Variants in ADA observed in about 807,000 individuals in gnomAD.
ADA encodes the protein adenosine aminohydrolase.
In ADA, 45 loss-of-function variants were observed where a neutral mutation model predicts 49.0. The observed-to-expected ratio is 0.92, with a 90% CI of 0.72 to 1.18. The LOEUF is 1.18. Among genes scored for constraint, ADA ranks in the 50% most tolerant of loss-of-function variants. The pLI is 0.00. For synonymous variants in ADA, 173 were observed against 184.2 expected (o/e 0.94, Z 0.49); for missense variants, 445 against 472.5 (o/e 0.94, Z 0.54).
chr20:44,642,689 C>T (rs563709372), intron 1 of ADA, among the ~76,000 whole-genome samples: 1 of 152,322 alleles, frequency 6.6e-6, no homozygotes, highest in African/African-American at 2.4e-5. Flanking sequence ...TTAAAAAAAC[C>T]TTTCCCGGCT....
chr20:44,625,717 G>A, intron 4 of ADA, 33 bp from the exon 5 acceptor site: 1 of 1,528,706 alleles, frequency 6.5e-7, no homozygotes, highest in Non-Finnish European at 8.9e-7. Context: ...ATGGGCCTGA[G>A]GCAAAAGGAA....
intron 9 of ADA, among the ~76,000 whole-genome samples, chr20:44,622,146 A>G (rs1187627150): frequency 6.6e-6 from 1 of 152,242 alleles, no homozygotes; most frequent in East Asian, 1.9e-4. Flanking sequence ...GGAGCCAGGC[A>G]GGGTGGAACA....
At position 44,622,691 on chromosome 20, in the gene ADA, G is replaced by A. The variant is rs767679026; in HGVS notation, c.781-39C>T. ...TGTGTGGCTGGCAGGGATGGCCCCA[G>A]GCCATGCTGATTCCTCCCCCCATGT... On this transcript the variant is annotated intron_variant, in intron 8 of 11. Transcript: ENST00000372874. The A allele has an allele frequency of 2.5e-6, 4 of 1,613,802 alleles. No homozygotes were observed. In the African/African-American group the frequency reaches 4.0e-5, roughly 16 times the overall value.
chr20:44,650,855 G>C (rs754603937), intron 1 of ADA, among the ~76,000 whole-genome samples: 1 of 152,044 alleles, frequency 6.6e-6, no homozygotes, highest in African/African-American at 2.4e-5. Context: ...CCCTCCTCTC[G>C]GACTCTGCGA....
At chr20:44,623,935 A>G in intron 6 of ADA, 1 of 481,436 alleles carries the variant, frequency 2.1e-6, no homozygotes, top group South Asian at 1.6e-5. Context: ...ATTTGCAGAG[A>G]TGGATCTCAC....
At chr20:44,622,771 C>T in intron 8 of ADA, 58 bp downstream of exon 8, 1 of 1,614,104 alleles carries the variant, frequency 6.2e-7, no homozygotes, top group Non-Finnish European at 8.5e-7. Flanking sequence ...TTCTGCCTCT[C>T]TATACAGGAA....
chr20:44,646,691 C>G (rs925971743), intron 1 of ADA, among the ~76,000 whole-genome samples: 4 of 152,040 alleles, frequency 2.6e-5, no homozygotes, highest in African/African-American at 9.7e-5. Flanking sequence ...CTGAGGTACC[C>G]TAGCTGCTAA....
intron 2 of ADA, among the ~76,000 whole-genome samples, chr20:44,632,995 G>T (rs567427762): frequency 6.6e-6 from 1 of 152,286 alleles, no homozygotes; most frequent in African/African-American, 2.4e-5. Context: ...TGCACGCTCT[G>T]TTCTTAGATG....
chr20:44,651,153 G>A (rs1325095114), intron 1 of ADA, among the ~76,000 whole-genome samples: 4 of 152,180 alleles, frequency 2.6e-5, no homozygotes, highest in Non-Finnish European at 5.9e-5. Flanking sequence ...TAACGCTGGC[G>A]TACAAAGCTG....
intron 5 of ADA, 112 bp downstream of exon 5, chr20:44,625,457 C>T (rs1344587658): frequency 1.0e-5 from 10 of 974,172 alleles, no homozygotes. Flanking sequence ...CTCAAGGGGA[C>T]ACCATGGGGC....
At chr20:44,634,145 C>G (rs974725892) in intron 2 of ADA, among the ~76,000 whole-genome samples, 9 of 152,346 alleles carry the variant, frequency 5.9e-5, no homozygotes, top group African/African-American at 1.9e-4. Context: ...CTGGCTGCAG[C>G]TGATGAGCCC....
Position 44,624,300 on chromosome 20 carries a change from T to C in ADA, c.508A>G (p.Lys170Glu), listed in dbSNP as rs371134570. 48 of 1,613,730 alleles carry C rather than the reference T, an allele frequency of 3.0e-5. 1 individual carries two copies. In the Middle Eastern group the frequency reaches 1.3e-3, roughly 45 times the overall value. The change falls in exon 6 of 12, where the codon AAG becomes GAG. Residue 170 changes from lysine to glutamate, a missense_variant. By Grantham distance (56) the Lys-to-Glu change is moderately conservative (BLOSUM62 1). Coordinates refer to ENST00000372874, the MANE Select transcript of ADA (RefSeq NM_000022.4). The part of the protein sequence containing the change: ...NWSPKVVELC[K>E]KYQQQTVVAI... ...ACCACGGTCTGCTGCTGGTACTTCT[T>C]ACACAGCTCCACCACCTTGGGGGAC...
chr20:44,619,673 G>A lies in ADA; in HGVS notation c.*161C>T, dbSNP rs922396944. ...ATCAGAGAAGTGACGCGGCCATGCC[G>A]AGGTATACGTGTGTGCAGAAATGGA... On this transcript the variant is annotated 3_prime_UTR_variant, in exon 12 of 12. Transcript: ENST00000372874. 1.4e-5 allele frequency: 13 copies of A among 915,656 alleles called. No homozygotes were observed. Among genetic ancestry groups the A allele is most frequent in the Non-Finnish European group, 1.9e-5 (11 of 573,374 alleles). 56.7% of individuals were successfully genotyped at this position (915,656 alleles called of 1,614,324 possible). A position where few individuals can be genotyped will look rare whatever the true frequency, so the allele number is the denominator to read the frequency against.
intron 4 of ADA, 52 bp downstream of exon 4, chr20:44,626,404 T>C (rs1600924601): frequency 6.2e-7 from 1 of 1,612,286 alleles, no homozygotes; most frequent in East Asian, 2.2e-5. Flanking sequence ...GTCTCAGAGC[T>C]GAGCCTCCCA....
intron 10 of ADA, 167 bp downstream of exon 10, chr20:44,620,851 G>A (rs2065323385): frequency 7.5e-6 from 7 of 932,764 alleles, no homozygotes; most frequent in Admixed American, 5.9e-5. Flanking sequence ...AGGTCAGGAC[G>A]TCAACACAAA....
In ADA at chr20:44,650,914, C is replaced by T. The variant is rs190039773; in HGVS notation, c.33+661G>A. 3.5e-3 allele frequency among the ~76,000 whole-genome samples: 532 copies of T among 152,310 alleles called. 2 individuals are homozygous for T. Among genetic ancestry groups the T allele is most frequent in the African/African-American group, 0.011 (441 of 41,564 alleles). The stretch of plus-strand genomic sequence containing the variant: ...CCCTGACCCCAACAGTCCCAAGACG[C>T]CACAGCTGGTGGGCGGAGAAACAAG... On this transcript the variant is annotated intron_variant, in intron 1 of 11. Coordinates refer to ENST00000372874, the MANE Select transcript of ADA (RefSeq NM_000022.4).
intron 3 of ADA, among the ~76,000 whole-genome samples, chr20:44,628,707 A>G (rs947502735): frequency 6.7e-6 from 1 of 149,424 alleles, no homozygotes; most frequent in African/African-American, 2.5e-5. Context: ...CCCCCACCCT[A>G]TATTCAGGCC....
At chr20:44,639,209 G>C (rs1170738158) in intron 1 of ADA, among the ~76,000 whole-genome samples, 1 of 152,082 alleles carries the variant, frequency 6.6e-6, no homozygotes, top group African/African-American at 2.4e-5. Context: ...AGGGTTGTGA[G>C]GTGCATAGAG....
Position 44,624,230 on chromosome 20 carries a change from A to G in ADA, c.578T>C (p.Leu193Pro), listed in dbSNP as rs767083081. ...AGDETIPGSS[L>P]LPGHVQAYQE... ...GTAGGCCTGGACATGTCCAGGCAAG[A>G]GGCTGCTTCCTGGGATGGTCTCATC... is the stretch of plus-strand genomic sequence containing the variant. The change falls in exon 6 of 12, where the codon CTC (leucine) becomes CCC (proline). Residue 193 changes from leucine (L) to proline (P), a missense_variant. By Grantham distance (98) the Leu-to-Pro change is moderately conservative (BLOSUM62 -3). Coordinates refer to ENST00000372874, the MANE Select transcript of ADA (RefSeq NM_000022.4). 1 of 1,613,684 alleles carries G rather than the reference A, an allele frequency of 6.2e-7. No individual in the cohort carries two copies. Among genetic ancestry groups the G allele is most frequent in the South Asian group, 1.1e-5 (1 of 90,982 alleles).
Sources: gnomAD v4.1 joint callset for allele counts (sites outside exome capture counted in the v4.1 genomes callset) on GRCh38, gnomAD v4.1.1 for gene constraint, MANE v1.5 for transcripts, NCBI Gene and HGNC (gene_info 2026-07-23, HGNC 2026-07-21) for gene names.